COMMD6: variants seen among roughly 807,000 people sequenced by gnomAD.
The protein encoded by COMMD6 is COMM domain containing 6.
In COMMD6, 11 loss-of-function variants were observed where a neutral mutation model predicts 13.4. The ratio of observed to expected loss-of-function variants is 0.82; its 90% CI spans 0.52 to 1.36. The LOEUF is 1.36. COMMD6 is among the 40% of genes most tolerant of loss of function. The probability of loss-of-function intolerance (pLI) is 0.00; values close to 1 mark genes in which losing one functional copy is unlikely to be tolerated. For synonymous variants in COMMD6, 43 were observed against 36.5 expected (o/e 1.18, Z -0.64); for missense variants, 124 against 102.4 (o/e 1.21, Z -0.91).
At chr13:75,536,163 C>A (rs1472408526) in intron 2 of COMMD6, among the ~76,000 whole-genome samples, 2 of 152,304 alleles carry the variant, frequency 1.3e-5, no homozygotes, top group East Asian at 3.9e-4. Flanking sequence ...CATGAGCCAC[C>A]ATGGCTGGCC....
intron 2 of COMMD6, among the ~76,000 whole-genome samples, chr13:75,536,247 G>A (rs572697572): frequency 1.1e-3 from 166 of 152,202 alleles, no homozygotes; most frequent in Non-Finnish European, 1.8e-3. Flanking sequence ...ACTAAAGAAC[G>A]TTCAACAATG....
chr13:75,527,066 A>G (rs2030288944), intron 3 of COMMD6, among the ~76,000 whole-genome samples: 2 of 152,214 alleles, frequency 1.3e-5, no homozygotes, highest in Admixed American at 6.5e-5. Flanking sequence ...GAGAGATCCA[A>G]CATTAACTAT....
intron 3 of COMMD6, chr13:75,529,738 G>T: frequency 6.2e-6 from 1 of 161,742 alleles, no homozygotes; most frequent in Non-Finnish European, 1.3e-5. Context: ...GAAAATTCAG[G>T]GTCAACACTA....
At chr13:75,540,838 T>C (rs930235163), upstream of COMMD6, among the ~76,000 whole-genome samples, 1 of 152,236 alleles carries the variant, frequency 6.6e-6, no homozygotes, top group African/African-American at 2.4e-5. Flanking sequence ...AAGAAATCCA[T>C]AGAACTATGG....
Position 75,548,476 on chromosome 13 carries a change from A to C in COMMD6, n.106+847T>G, listed in dbSNP as rs569406621. On this transcript the variant is annotated intron_variant and non_coding_transcript_variant, in intron 1 of 2. Coordinates refer to the COMMD6 transcript ENST00000460675. ...TACCTGAATTTCCTCTATTAGGTGCAGAATAGTAATATGCACTCTTCCCCA... is the reference window on the plus strand; with the variant it reads ...TACCTGAATTTCCTCTATTAGGTGCCGAATAGTAATATGCACTCTTCCCCA... Among the ~76,000 whole-genome samples, 315 of 152,316 alleles carry C rather than the reference A, an allele frequency of 2.1e-3. 3 individuals are homozygous for C. Among genetic ancestry groups the C allele is most frequent in the Non-Finnish European group, 2.4e-3 (162 of 68,028 alleles).
At chr13:75,542,190 G>C (rs1410101536), upstream of COMMD6, among the ~76,000 whole-genome samples, 1 of 152,184 alleles carries the variant, frequency 6.6e-6, no homozygotes, top group Admixed American at 6.5e-5. Context: ...GGTATTGGCA[G>C]AGTCTTTTGT....
At chr13:75,545,465 CTTTTT>C (rs1410925235) in intron 1 of COMMD6, among the ~76,000 whole-genome samples, 3 of 151,746 alleles carry the variant, frequency 2.0e-5, no homozygotes, top group African/African-American at 7.2e-5. Flanking sequence ...GTTTCTTTTT[CTTTTT>C]CTCTTTTTTT....
At chr13:75,535,230 G>A (rs545635399) in intron 2 of COMMD6, among the ~76,000 whole-genome samples, 3 of 152,282 alleles carry the variant, frequency 2.0e-5, no homozygotes, top group African/African-American at 7.2e-5. Context: ...TGGCTGGAGG[G>A]GCATGAGCTA....
At chr13:75,531,605 A>G (rs887010238) in intron 2 of COMMD6, among the ~76,000 whole-genome samples, 1 of 152,254 alleles carries the variant, frequency 6.6e-6, no homozygotes, top group African/African-American at 2.4e-5. Context: ...AATTTCTAAT[A>G]AACATATGAA....
intron 2 of COMMD6, among the ~76,000 whole-genome samples, chr13:75,535,830 G>T (rs1187441145): frequency 6.6e-6 from 1 of 152,026 alleles, no homozygotes; most frequent in Admixed American, 6.6e-5. Context: ...ACCGCTTTTT[G>T]TAATTTTCTT....
intron 3 of COMMD6, among the ~76,000 whole-genome samples, chr13:75,529,351 T>C (rs191836383): frequency 1.8e-4 from 27 of 152,076 alleles, no homozygotes; most frequent in African/African-American, 6.5e-4. Context: ...AAACCCCATC[T>C]CTACTAAAAA....
intron 1 of COMMD6, among the ~76,000 whole-genome samples, chr13:75,545,386 T>C (rs192885943): frequency 5.3e-5 from 8 of 152,340 alleles, no homozygotes; most frequent in Non-Finnish European, 1.2e-4. Context: ...AATAGCAAAT[T>C]TCATCAATTC....
At chr13:75,528,628 G>T (rs891937410) in intron 3 of COMMD6, among the ~76,000 whole-genome samples, 1 of 152,060 alleles carries the variant, frequency 6.6e-6, no homozygotes, top group Non-Finnish European at 1.5e-5. Context: ...GATCAACTGA[G>T]GTCAGGAGTT....
intron 3 of COMMD6, among the ~76,000 whole-genome samples, chr13:75,527,116 A>C (rs2030291298): frequency 6.6e-6 from 1 of 152,220 alleles, no homozygotes; most frequent in Non-Finnish European, 1.5e-5. Flanking sequence ...TCATTTAAAA[A>C]TTAAGCTGGT....
chr13:75,543,328 A>G (rs772517969), upstream of COMMD6, among the ~76,000 whole-genome samples: 1 of 150,138 alleles, frequency 6.7e-6, no homozygotes, highest in Non-Finnish European at 1.5e-5. Context: ...TTAACCTAAT[A>G]TAAGTTGGAA....
Position 75,537,645 on chromosome 13 carries a change from G to T in COMMD6, c.54+19C>A, listed in dbSNP as rs774417663. On this transcript the variant is annotated intron_variant, in intron 2 of 3. Coordinates refer to ENST00000682242, the MANE Select transcript of COMMD6 (RefSeq NM_203495.4). ...GAGGCAGGCTGGCGGAGGACAGGGC[G>T]GGGCGGCCGCTCACCCACCTGGTTG... 25 of 1,613,704 alleles carry T rather than the reference G, an allele frequency of 1.5e-5. No homozygotes were observed. The highest frequency in any genetic ancestry group is 5.3e-5 in the African/African-American group (4 of 74,952).
chr13:75,538,203 G>A (rs1379736801), upstream of COMMD6, among the ~76,000 whole-genome samples: 3 of 152,204 alleles, frequency 2.0e-5, no homozygotes, highest in African/African-American at 7.2e-5. Flanking sequence ...CCCGGCACAT[G>A]GGAGTTTGTC....
chr13:75,537,446 C>A (rs909364297), intron 2 of COMMD6: 1 of 1,551,390 alleles, frequency 6.4e-7, no homozygotes, highest in Non-Finnish European at 8.7e-7. Context: ...CTGCATTCTT[C>A]GGGCTAGTGC....
rs555109642 is a variant in COMMD6, at chr13:75,534,781, A to G, written c.54+2883T>C. ...CAAATTAGCTGTAGTCACACTAAAAATTGATGTGGAGGCTGAAGTTACTAG... is the reference window on the plus strand; with the variant it reads ...CAAATTAGCTGTAGTCACACTAAAAGTTGATGTGGAGGCTGAAGTTACTAG... On this transcript the variant is annotated intron_variant, in intron 2 of 3. Transcript: ENST00000682242. Among the ~76,000 whole-genome samples the G allele has an allele frequency of 9.5e-4, 145 of 152,350 alleles. 1 individual carries two copies. Among genetic ancestry groups the G allele is most frequent in the African/African-American group, 3.3e-3 (137 of 41,590 alleles).
Sources: allele counts gnomAD v4.1 joint callset (sites outside exome capture counted in the v4.1 genomes callset), GRCh38; gene constraint gnomAD v4.1.1; transcripts MANE v1.5; gene names NCBI Gene and HGNC (gene_info 2026-07-23, HGNC 2026-07-21).